Variants in ADAMTS6 observed in about 807,000 individuals in gnomAD.
The protein encoded by ADAMTS6 is A disintegrin and metalloproteinase with thrombospondin motifs 6.
Under a neutral mutation model 144.3 loss-of-function variants are expected in ADAMTS6, and 23 were observed. The ratio of observed to expected loss-of-function variants is 0.16; its 90% CI spans 0.11 to 0.23. The LOEUF (loss-of-function observed/expected upper bound fraction) is 0.23. Among genes scored for constraint, ADAMTS6 ranks in the 10% least tolerant of loss-of-function variants. The pLI is 1.00. For missense variants in ADAMTS6, 999 were observed against 1,379.6 expected, an observed-to-expected ratio of 0.72 and a Z score of 4.37; for synonymous variants, 444 against 457.5, an observed-to-expected ratio of 0.97 and a Z score of 0.38.
Position 65,224,348 on chromosome 5 carries a change from T to C in ADAMTS6, c.2244A>G (p.Arg748=). The C allele has an allele frequency of 6.2e-7, 1 of 1,614,142 alleles. No homozygotes were observed. The change falls in exon 18 of 25, where the codon AGA becomes AGG. Residue 748 remains arginine (R), a synonymous_variant. Transcript: ENST00000381055. The part of the protein sequence containing the change: ...IPRGSVHIEV[R]EVAMSKNYIA... ...TATAGTTCTTTGACATGGCAACTTC[T>C]CTAACTTCAATGTGAACAGAGCCTC...
chr5:65,434,724 T>C (rs1379606658), intron 7 of ADAMTS6, among the ~76,000 whole-genome samples: 1 of 152,210 alleles, frequency 6.6e-6, no homozygotes, highest in African/African-American at 2.4e-5. Flanking sequence ...TATTGACTAT[T>C]TACAAGGTAT....
rs547886086 is a variant in ADAMTS6 at position 65,335,954 on chromosome 5, A to G, written c.1074-1869T>C. On this transcript the variant is annotated intron_variant, in intron 7 of 24. Transcript: ENST00000381055. ...GATTAAGCCAGATTAAAAAAAAAGAAAAGTAAAAGCATTCCAAGAAAAGAA... is the reference window on the plus strand; with the variant it reads ...GATTAAGCCAGATTAAAAAAAAAGAGAAGTAAAAGCATTCCAAGAAAAGAA... 2.6e-5 allele frequency among the ~76,000 whole-genome samples: 4 copies of G among 152,242 alleles called. No individual in the cohort carries two copies. The East Asian group carries it at 7.7e-4, about 29-fold the overall frequency.
At chr5:65,239,076 T>C (rs1580152258) in intron 15 of ADAMTS6, among the ~76,000 whole-genome samples, 1 of 151,900 alleles carries the variant, frequency 6.6e-6, no homozygotes, top group African/African-American at 2.4e-5. Context: ...ATGAGAACAC[T>C]TGGACACAGG....
At chr5:65,413,369 G>A (rs1311397372) in intron 7 of ADAMTS6, among the ~76,000 whole-genome samples, 3 of 152,010 alleles carry the variant, frequency 2.0e-5, no homozygotes, top group African/African-American at 7.2e-5. Flanking sequence ...TTCTTCAGTA[G>A]GACAGTGTAA....
chr5:65,409,608 A>T (rs772721667), intron 7 of ADAMTS6, among the ~76,000 whole-genome samples: 2 of 152,208 alleles, frequency 1.3e-5, no homozygotes, highest in Non-Finnish European at 2.9e-5. Flanking sequence ...ACAATATTCC[A>T]ATCAGTAGAA....
chr5:65,355,702 T>A (rs779865602), intron 7 of ADAMTS6, among the ~76,000 whole-genome samples: 1 of 151,870 alleles, frequency 6.6e-6, no homozygotes, highest in Non-Finnish European at 1.5e-5. Context: ...AAGCATCTTA[T>A]CTAAAGCATG....
Position 65,452,691 on chromosome 5 carries a change from G to A in ADAMTS6, c.843+16C>T, listed in dbSNP as rs371024014. ...CAAATATGAAGTAAAATATTATATA[G>A]AGGGATCAAACTTACAATATTCATC... On this transcript the variant is annotated intron_variant, in intron 5 of 24. Coordinates refer to ENST00000381055, the MANE Select transcript of ADAMTS6 (RefSeq NM_197941.4). The A allele has an allele frequency of 1.1e-5, 18 of 1,612,326 alleles. No homozygotes were observed. Among genetic ancestry groups the A allele is most frequent in the Admixed American group, 3.3e-5 (2 of 59,966 alleles).
chr5:65,456,706 T>C (rs1759237779), intron 4 of ADAMTS6, among the ~76,000 whole-genome samples: 1 of 152,174 alleles, frequency 6.6e-6, no homozygotes, highest in Non-Finnish European at 1.5e-5. Context: ...ATAATGAAGA[T>C]ATAGAGACAT....
At chr5:65,462,124 A>G (rs1258798841) in intron 3 of ADAMTS6, among the ~76,000 whole-genome samples, 1 of 152,252 alleles carries the variant, frequency 6.6e-6, no homozygotes, top group Non-Finnish European at 1.5e-5. Flanking sequence ...GGCAGAAATA[A>G]CATAATATGC....
chr5:65,197,578 T>C lies in ADAMTS6; in HGVS notation c.2576-427A>G, dbSNP rs143532740. Reference sequence around the variant, plus strand: ...AGAACAATAGGGACAAATTTACTTTTTGATATTTTGTAGAACAAATCCCAT... The same window carrying C: ...AGAACAATAGGGACAAATTTACTTTCTGATATTTTGTAGAACAAATCCCAT... On this transcript the variant is annotated intron_variant, in intron 20 of 24. Transcript: ENST00000381055. Among the ~76,000 whole-genome samples the C allele has an allele frequency of 1.3e-3, 202 of 152,366 alleles. 1 individual carries two copies. Among genetic ancestry groups the C allele is most frequent in the African/African-American group, 3.4e-3 (143 of 41,590 alleles).
At chr5:65,216,590 A>G (rs774201058) in intron 18 of ADAMTS6, among the ~76,000 whole-genome samples, 1 of 152,192 alleles carries the variant, frequency 6.6e-6, no homozygotes, top group African/African-American at 2.4e-5. Flanking sequence ...TTAAAAAAAG[A>G]GAAAGGATAA....
chr5:65,460,223 T>A lies in ADAMTS6; in HGVS notation c.578A>T (p.Lys193Met). The change falls in exon 4 of 25, where the codon AAG becomes ATG. Residue 193 changes from lysine (K) to methionine (M), a missense_variant. Transcript: ENST00000381055. ...ENGHPHVIYK[K>M]SALQQRHLYD... is the part of the protein sequence containing the mutation. ...CAGATGTCGTTGTTGAAGGGCAGACTTTTTGTAAATAACATGAGGGTGGCC... is the reference window on the plus strand; with the variant it reads ...CAGATGTCGTTGTTGAAGGGCAGACATTTTGTAAATAACATGAGGGTGGCC... The A allele has an allele frequency of 6.2e-7, 1 of 1,614,130 alleles. No homozygotes were observed. The highest frequency in any genetic ancestry group is 8.5e-7 in the Non-Finnish European group (1 of 1,179,982).
At chr5:65,413,726 A>G in intron 7 of ADAMTS6, among the ~76,000 whole-genome samples, 1 of 152,140 alleles carries the variant, frequency 6.6e-6, no homozygotes, top group Non-Finnish European at 1.5e-5. Flanking sequence ...AATATAATGT[A>G]CATTAATAAA....
intron 9 of ADAMTS6, among the ~76,000 whole-genome samples, chr5:65,317,909 T>C (rs1402221121): frequency 6.6e-6 from 1 of 151,558 alleles, no homozygotes; most frequent in African/African-American, 2.4e-5. Flanking sequence ...CTGTCTCTAC[T>C]AAAAATACAA....
chr5:65,376,387 G>T (rs761396318), intron 7 of ADAMTS6, among the ~76,000 whole-genome samples: 1 of 152,196 alleles, frequency 6.6e-6, no homozygotes. Flanking sequence ...GGAGGTGGAG[G>T]TTGCAGTGAG....
chr5:65,301,331 C>T (rs772040486), intron 9 of ADAMTS6, among the ~76,000 whole-genome samples: 9 of 152,044 alleles, frequency 5.9e-5, no homozygotes, highest in Non-Finnish European at 7.4e-5. Flanking sequence ...GTGTCTGTTA[C>T]GACATATATT....
intron 7 of ADAMTS6, among the ~76,000 whole-genome samples, chr5:65,447,397 C>T (rs1758352403): frequency 6.6e-6 from 1 of 152,028 alleles, no homozygotes; most frequent in Non-Finnish European, 1.5e-5. Context: ...CAAGCCAATG[C>T]TAGATTTAGC....
chr5:65,275,353 GAGAAAGAAAGAAAGAA>G (rs71693940), intron 11 of ADAMTS6, among the ~76,000 whole-genome samples: 8,236 of 87,074 alleles, frequency 0.095, 432 homozygotes, highest in Middle Eastern at 0.13. Flanking sequence ...AAAGAAAGAA[GAGAAAGAAAGAAAGAA>G]AGAAAGAAAG....
intron 7 of ADAMTS6, among the ~76,000 whole-genome samples, chr5:65,439,687 T>G (rs1036003385): frequency 6.6e-6 from 1 of 152,110 alleles, no homozygotes; most frequent in Middle Eastern, 3.2e-3. Context: ...ATAAAGAATA[T>G]TATTAAGACA....
Sources: allele counts gnomAD v4.1 joint callset (sites outside exome capture counted in the v4.1 genomes callset), GRCh38; gene constraint gnomAD v4.1.1; transcripts MANE v1.5; gene names NCBI Gene and HGNC (gene_info 2026-07-23, HGNC 2026-07-21).